The following GNS variants were observed in gnomAD, a reference collection of about 807,000 sequenced individuals.
The protein encoded by GNS is glucosamine (N-acetyl)-6-sulfatase.
In GNS, 40 loss-of-function variants were observed where a neutral mutation model predicts 69.7. The observed-to-expected ratio is 0.57, with a 90% CI of 0.45 to 0.75. GNS has a LOEUF of 0.75. Among genes scored for constraint, GNS ranks in the 30% least tolerant of loss-of-function variants. The pLI is 0.00. For missense variants in GNS, 565 were observed against 685.5 expected, an observed-to-expected ratio of 0.82 and a Z score of 1.96; for synonymous variants, 243 against 251.6, an observed-to-expected ratio of 0.97 and a Z score of 0.32.
chr12:64,720,280 T>A, intron 12 of GNS, 98 bp from the exon 13 acceptor site: 1 of 824,368 alleles, frequency 1.2e-6, no homozygotes, highest in Non-Finnish European at 2.0e-6. Flanking sequence ...AGGGAGGAGG[T>A]AGATTAAAAA....
rs1215448476 is a variant in GNS, at chr12:64,728,985, T to C, written c.1171A>G (p.Met391Val). 6.3e-7 allele frequency: 1 copy of C among 1,587,640 alleles called. No individual in the cohort carries two copies. The highest frequency in any genetic ancestry group is 1.7e-5 in the Admixed American group (1 of 59,984). The change falls in exon 10 of 14, where the codon ATG (methionine) becomes GTG (valine). Residue 391 changes from methionine (M) to valine (V), a missense_variant. Coordinates refer to ENST00000258145, the MANE Select transcript of GNS (RefSeq NM_002076.4). ...ATGGGCAATAAGGACATCCCATCCA[T>C]CTGTGTCTTATTTAGGTCGTAGCCA... The part of the protein sequence containing the change: ...IAGYDLNKTQ[M>V]DGMSLLPILR...
At chr12:64,756,014 T>G (rs182210455) in intron 1 of GNS, among the ~76,000 whole-genome samples, 1 of 152,180 alleles carries the variant, frequency 6.6e-6, no homozygotes, top group Admixed American at 6.5e-5. Context: ...AAGAACAGTG[T>G]GTCCACCACA....
chr12:64,729,060 A>C lies in GNS; in HGVS notation c.1099-3T>G. 2.7e-6 allele frequency: 4 copies of C among 1,481,546 alleles called. No homozygotes were observed. Among genetic ancestry groups the C allele is most frequent in the Non-Finnish European group, 3.8e-6 (4 of 1,059,164 alleles). The allele number at this position is 1,481,546 out of a possible 1,614,324, so 91.8% of individuals were successfully genotyped here. A position where few individuals can be genotyped will look rare whatever the true frequency, so the allele number is the denominator to read the frequency against. ...AAGTCAATGTTGGCAACCAGCATCT[A>C]TGAGAATGAGGGAAAAACAATCTAG... On this transcript the variant is annotated splice_polypyrimidine_tract_variant and splice_region_variant and intron_variant, in intron 9 of 13. Coordinates refer to ENST00000258145, the MANE Select transcript of GNS (RefSeq NM_002076.4).
At position 64,740,594 on chromosome 12, in the gene GNS, AG is replaced by A; in HGVS notation, c.875+11del. On this transcript the variant is annotated intron_variant, in intron 7 of 13. Transcript: ENST00000258145. ...AAAACCACTCAGATTGTTATGTAGCAGCAGCTCTTACCTTTTCCTAAATGCA... is the reference window on the plus strand; with the variant it reads ...AAAACCACTCAGATTGTTATGTAGCACAGCTCTTACCTTTTCCTAAATGCA... The A allele has an allele frequency of 1.5e-6, 2 of 1,368,618 alleles. No homozygotes were observed. The highest frequency in any genetic ancestry group is 2.1e-6 in the Non-Finnish European group (2 of 955,676). The allele number at this position is 1,368,618 out of a possible 1,614,324, so 84.8% of individuals were successfully genotyped here. A position where few individuals can be genotyped will look rare whatever the true frequency, so the allele number is the denominator to read the frequency against.
chr12:64,726,510 C>T (rs1218301053), intron 10 of GNS, among the ~76,000 whole-genome samples: 1 of 152,158 alleles, frequency 6.6e-6, no homozygotes, highest in African/African-American at 2.4e-5. Flanking sequence ...GGACACTAAA[C>T]ATTAAAAGAA....
intron 9 of GNS, among the ~76,000 whole-genome samples, 188 bp downstream of exon 9, chr12:64,736,816 A>C (rs117413931): frequency 6.6e-6 from 1 of 152,338 alleles, no homozygotes; most frequent in East Asian, 1.9e-4. Context: ...GTGGGGTGAA[A>C]ATACAGATAC....
chr12:64,727,286 A>G (rs1269830496), intron 10 of GNS, among the ~76,000 whole-genome samples: 9 of 151,102 alleles, frequency 6.0e-5, no homozygotes, highest in Admixed American at 5.9e-4. Context: ...AAAAAAAAAA[A>G]TTAGCCAGAC....
At chr12:64,724,451 G>A (rs1186731581) in intron 10 of GNS, among the ~76,000 whole-genome samples, 1 of 152,214 alleles carries the variant, frequency 6.6e-6, no homozygotes, top group Non-Finnish European at 1.5e-5. Flanking sequence ...GCAGCCACCT[G>A]AAAAGGAGGA....
In GNS at chr12:64,716,933, A is replaced by C. The variant is rs1241377627; in HGVS notation, c.1581-114T>G. 4 of 738,878 alleles carry C rather than the reference A, an allele frequency of 5.4e-6. No homozygotes were observed. In the Admixed American group the frequency reaches 7.9e-5, roughly 15 times the overall value. The allele number at this position is 738,878 out of a possible 1,614,324, so 45.8% of individuals were successfully genotyped here. A position where few individuals can be genotyped will look rare whatever the true frequency, so the allele number is the denominator to read the frequency against. ...TAAAAGAAACAAATCACCAGAAGGG[A>C]CTCTAGTGAGAAAGTCTATGGTACA... is the stretch of plus-strand genomic sequence containing the variant. On this transcript the variant is annotated intron_variant, in intron 13 of 13. Coordinates refer to ENST00000258145, the MANE Select transcript of GNS (RefSeq NM_002076.4).
chr12:64,716,649 G>T lies in GNS; in HGVS notation c.*92C>A. 1.1e-6 allele frequency: 1 copy of T among 871,400 alleles called. No individual in the cohort carries two copies. The highest frequency in any genetic ancestry group is 1.9e-6 in the Non-Finnish European group (1 of 514,628). The allele number at this position is 871,400 out of a possible 1,614,324, so 54.0% of individuals were successfully genotyped here. A position where few individuals can be genotyped will look rare whatever the true frequency, so the allele number is the denominator to read the frequency against. ...AGCCAGCCCAGAAACTCTTCCAGGT[G>T]TGGTCTTGAAGACTAGCTACAGACA... On this transcript the variant is annotated 3_prime_UTR_variant, in exon 14 of 14. Transcript: ENST00000258145.
chr12:64,720,427 C>T (rs891858760), intron 12 of GNS, among the ~76,000 whole-genome samples: 11 of 152,130 alleles, frequency 7.2e-5, no homozygotes, highest in Admixed American at 7.2e-4. Context: ...TAAAAAGGGG[C>T]CCCTGCACAC....
rs1287594649 is a variant in GNS, at chr12:64,714,699, G to C, written c.*2042C>G. On this transcript the variant is annotated 3_prime_UTR_variant, in exon 14 of 14. Transcript: ENST00000258145. ...TCTGCTCAGGAACAAGCATAAAACT[G>C]AATAATATGACATCACAGTCCAAGA... 6.6e-6 allele frequency: 1 copy of C among 152,030 alleles called. No individual in the cohort carries two copies. Among genetic ancestry groups the C allele is most frequent in the Non-Finnish European group, 1.5e-5 (1 of 68,014 alleles). The allele number at this position is 152,030 out of a possible 1,614,324, so 9.4% of individuals were successfully genotyped here. A position where few individuals can be genotyped will look rare whatever the true frequency, so the allele number is the denominator to read the frequency against.
chr12:64,745,725 C>G lies in GNS; in HGVS notation c.460-1G>C. On this transcript the variant is annotated splice_acceptor_variant, in intron 3 of 13. Coordinates refer to ENST00000258145, the MANE Select transcript of GNS (RefSeq NM_002076.4). LOFTEE classifies it high-confidence loss of function. ...GTCCACCTGCATCTGGGGCTCCGTA[C>G]TGAAAAGCAAAACAAGTAGGGACAA... 6.3e-7 allele frequency: 1 copy of G among 1,596,658 alleles called. No homozygotes were observed. Among genetic ancestry groups the G allele is most frequent in the Non-Finnish European group, 8.6e-7 (1 of 1,164,076 alleles).
intron 6 of GNS, among the ~76,000 whole-genome samples, chr12:64,740,901 A>T (rs942158358): frequency 5.9e-5 from 9 of 152,176 alleles, no homozygotes; most frequent in African/African-American, 2.2e-4. Context: ...CTCATTCTTC[A>T]GCTTCCCAGC....
chr12:64,737,949 C>T (rs556108658), intron 8 of GNS, among the ~76,000 whole-genome samples: 125 of 151,974 alleles, frequency 8.2e-4, no homozygotes, highest in African/African-American at 2.8e-3. Flanking sequence ...CCTGTAAATT[C>T]GTGGCAAATG....
intron 1 of GNS, among the ~76,000 whole-genome samples, chr12:64,754,146 G>T (rs1018762152): frequency 2.6e-5 from 4 of 152,212 alleles, no homozygotes; most frequent in African/African-American, 4.8e-5. Flanking sequence ...CACGTGCCAG[G>T]CATTAATCTA....
At chr12:64,733,418 C>T (rs944210222) in intron 9 of GNS, among the ~76,000 whole-genome samples, 3 of 147,930 alleles carry the variant, frequency 2.0e-5, no homozygotes, top group Admixed American at 1.4e-4. Context: ...CTGAAAAGAA[C>T]AAGATGGCAA....
chr12:64,744,546 T>G (rs1424623298), intron 5 of GNS, among the ~76,000 whole-genome samples: 1 of 152,022 alleles, frequency 6.6e-6, no homozygotes, highest in Admixed American at 6.6e-5. Context: ...AAGTAATCTC[T>G]GTAGTCGAAG....
intron 9 of GNS, among the ~76,000 whole-genome samples, chr12:64,733,039 G>T (rs759801022): frequency 6.6e-6 from 1 of 151,940 alleles, no homozygotes; most frequent in Non-Finnish European, 1.5e-5. Flanking sequence ...CTGTAATGAG[G>T]GGAGGAGGGC....
Sources: gnomAD v4.1 joint callset for allele counts (sites outside exome capture counted in the v4.1 genomes callset) on GRCh38, gnomAD v4.1.1 for gene constraint, MANE v1.5 for transcripts, NCBI Gene and HGNC (gene_info 2026-07-23, HGNC 2026-07-21) for gene names.